Variants in RIMS4 observed in about 807,000 individuals in gnomAD.
The protein encoded by RIMS4 is regulating synaptic membrane exocytosis 4.
A neutral mutation model predicts 29.0 loss-of-function variants in RIMS4; 9 were observed. That is an observed-to-expected ratio of 0.31 (90% CI 0.19 to 0.54). The LOEUF (loss-of-function observed/expected upper bound fraction) is 0.54. RIMS4 is among the 20% of genes least tolerant of loss of function. The probability of loss-of-function intolerance (pLI) is 0.94; values close to 1 mark genes in which losing one functional copy is unlikely to be tolerated. For synonymous variants in RIMS4, 130 were observed against 152.9 expected (o/e 0.85, Z 1.10); for missense variants, 193 against 365.7 (o/e 0.53, Z 3.85).
chr20:44,808,082 GTA>G (rs372542987), intron 1 of RIMS4, among the ~76,000 whole-genome samples: 14 of 138,012 alleles, frequency 1.0e-4, no homozygotes, highest in East Asian at 2.0e-4. Flanking sequence ...ATGTGTGTGT[GTA>G]TATATATATA....
chr20:44,806,231 A>G (rs909743286), intron 1 of RIMS4, among the ~76,000 whole-genome samples: 2 of 152,204 alleles, frequency 1.3e-5, no homozygotes, highest in Middle Eastern at 3.4e-3. Context: ...GGACGCTGAA[A>G]CCACTTGGTC....
chr20:44,809,762 G>A (rs968724192), intron 1 of RIMS4, among the ~76,000 whole-genome samples: 1 of 152,118 alleles, frequency 6.6e-6, no homozygotes, highest in Non-Finnish European at 1.5e-5. Context: ...GGTAAGGTCT[G>A]CGCGCCACCT....
intron 1 of RIMS4, among the ~76,000 whole-genome samples, chr20:44,798,307 T>C (rs1423500179): frequency 1.3e-5 from 2 of 152,244 alleles, no homozygotes; most frequent in South Asian, 2.1e-4. Context: ...AGTGTTGGAA[T>C]AGGCCTGGGT....
intron 1 of RIMS4, among the ~76,000 whole-genome samples, chr20:44,781,594 G>A (rs1049105996): frequency 3.3e-5 from 5 of 152,174 alleles, no homozygotes; most frequent in Non-Finnish European, 5.9e-5. Flanking sequence ...TCCAGATGCA[G>A]AGTAAATGCA....
At chr20:44,771,227 AC>A in intron 2 of RIMS4, 47 bp downstream of exon 2, 1 of 1,576,140 alleles carries the variant, frequency 6.3e-7, no homozygotes, top group South Asian at 1.1e-5. Flanking sequence ...CCCGTGCCCC[AC>A]CACAAAAGAC....
At chr20:44,808,097 T>TTCCAGGGCTTCAGTCAC (rs1555865591) in intron 1 of RIMS4, among the ~76,000 whole-genome samples, 1 of 150,674 alleles carries the variant, frequency 6.6e-6, no homozygotes, top group African/African-American at 2.5e-5. Flanking sequence ...TATATATATA[T>TTCCAGGGCTTCAGTCAC]ACACACACAC....
At chr20:44,786,220 A>G (rs1047355434) in intron 1 of RIMS4, among the ~76,000 whole-genome samples, 1 of 152,188 alleles carries the variant, frequency 6.6e-6, no homozygotes, top group African/African-American at 2.4e-5. Flanking sequence ...CAGCTCAGGC[A>G]GAAGCTGAAA....
chr20:44,769,740 G>C (rs2066128594), intron 2 of RIMS4, among the ~76,000 whole-genome samples: 1 of 152,326 alleles, frequency 6.6e-6, no homozygotes, highest in East Asian at 1.9e-4. Context: ...CCATTCACGA[G>C]GCTGAAGATG....
At chr20:44,802,403 T>A (rs2066281025) in intron 1 of RIMS4, among the ~76,000 whole-genome samples, 1 of 152,186 alleles carries the variant, frequency 6.6e-6, no homozygotes, top group Admixed American at 6.5e-5. Flanking sequence ...TTGCCTACAG[T>A]CATACAATTT....
At chr20:44,773,029 C>T (rs201667503) in intron 1 of RIMS4, among the ~76,000 whole-genome samples, 2 of 151,756 alleles carry the variant, frequency 1.3e-5, no homozygotes, top group Non-Finnish European at 2.9e-5. Flanking sequence ...CTGTCTCCCA[C>T]GTGTCTTTGT....
intron 1 of RIMS4, among the ~76,000 whole-genome samples, chr20:44,795,078 G>C (rs1422241524): frequency 1.3e-5 from 2 of 152,156 alleles, no homozygotes; most frequent in African/African-American, 4.8e-5. Context: ...GCTTTCAAAA[G>C]ACCATGGCCC....
chr20:44,804,512 C>CA, intron 1 of RIMS4, among the ~76,000 whole-genome samples: 1 of 152,304 alleles, frequency 6.6e-6, no homozygotes, highest in South Asian at 2.1e-4. Context: ...TTTTAAAAGA[C>CA]ATGATGAAAT....
chr20:44,771,307 C>T lies in RIMS4; in HGVS notation c.204G>A (p.Glu68=), dbSNP rs770277899. Residue 68 remains glutamate (E), a synonymous_variant, in exon 2 of 6, where the codon GAG becomes GAA. Coordinates refer to ENST00000372851, the MANE Select transcript of RIMS4 (RefSeq NM_182970.4). ...TLRQASHESI[E]DSMNSYGSEG... is the part of the protein sequence containing the mutation. ...CTGAGCCATAGCTGTTCATGCTGTC[C>T]TCAATGGACTCGTGGCTGGCCTGGC... The T allele has an allele frequency of 7.4e-6, 12 of 1,613,762 alleles. No individual in the cohort carries two copies. The Admixed American group carries it at 1.7e-4, about 22-fold the overall frequency.
chr20:44,801,348 G>C (rs1412275893), intron 1 of RIMS4, among the ~76,000 whole-genome samples: 1 of 152,180 alleles, frequency 6.6e-6, no homozygotes, highest in Non-Finnish European at 1.5e-5. Flanking sequence ...TCCAACCTGA[G>C]CTAGACCCCA....
chr20:44,804,909 C>A (rs934187958), intron 1 of RIMS4, among the ~76,000 whole-genome samples: 5 of 152,172 alleles, frequency 3.3e-5, no homozygotes, highest in Non-Finnish European at 5.9e-5. Flanking sequence ...TGCACCACAG[C>A]AGACCTGCAG....
intron 1 of RIMS4, among the ~76,000 whole-genome samples, chr20:44,785,308 A>G (rs1201385880): frequency 6.6e-6 from 1 of 151,282 alleles, no homozygotes; most frequent in African/African-American, 2.4e-5. Flanking sequence ...AGCTCACTGC[A>G]GCCTTGACTT....
intron 4 of RIMS4, 48 bp downstream of exon 4, chr20:44,757,622 C>T: frequency 6.8e-7 from 1 of 1,476,156 alleles, no homozygotes; most frequent in Non-Finnish European, 9.5e-7. Context: ...ATCAGGATAT[C>T]CTCCCTGACC....
chr20:44,795,040 C>T (rs2066248668), intron 1 of RIMS4, among the ~76,000 whole-genome samples: 1 of 152,234 alleles, frequency 6.6e-6, no homozygotes, highest in South Asian at 2.1e-4. Flanking sequence ...AGTTCTGCTA[C>T]CTCCCAACAA....
At chr20:44,764,127 C>T (rs1454576595) in intron 2 of RIMS4, among the ~76,000 whole-genome samples, 1 of 143,554 alleles carries the variant, frequency 7.0e-6, no homozygotes. Flanking sequence ...TCCATCCATC[C>T]ATCCATCCAT....
Sources: gnomAD v4.1 joint callset for allele counts (sites outside exome capture counted in the v4.1 genomes callset) on GRCh38, gnomAD v4.1.1 for gene constraint, MANE v1.5 for transcripts, NCBI Gene and HGNC (gene_info 2026-07-23, HGNC 2026-07-21) for gene names.